GDF7: variants seen among roughly 807,000 people sequenced by gnomAD.
The protein encoded by GDF7 is growth differentiation factor 7.
In GDF7, 12 loss-of-function variants were observed where a neutral mutation model predicts 13.4. The observed-to-expected ratio is 0.90, with a 90% confidence interval of 0.57 to 1.45. The LOEUF (loss-of-function observed/expected upper bound fraction) is 1.45, where lower values mean the gene tolerates loss of function less well. GDF7 is among the 40% of genes most tolerant of loss of function. GDF7 has a pLI of 0.00. For synonymous variants in GDF7, 330 were observed against 306.4 expected (o/e 1.08, Z -0.80); for missense variants, 651 against 652.4 (o/e 1.00, Z 0.02).
At position 20,670,456 on chromosome 2, in the gene GDF7, C is replaced by T; in HGVS notation, c.392-8C>T. On this transcript the variant is annotated splice_region_variant and splice_polypyrimidine_tract_variant and intron_variant, in intron 1 of 1. Coordinates refer to ENST00000272224, the MANE Select transcript of GDF7 (RefSeq NM_182828.4). ...CTCTTTCTCTCTGTCCCTGCCGGTCCCCCGCAGACGAATCGGCAGCCGAAA... is the reference window on the plus strand; with the variant it reads ...CTCTTTCTCTCTGTCCCTGCCGGTCTCCCGCAGACGAATCGGCAGCCGAAA... 1 of 1,522,816 alleles carries T rather than the reference C, an allele frequency of 6.6e-7. No individual in the cohort carries two copies. Among genetic ancestry groups the T allele is most frequent in the South Asian group, 1.3e-5 (1 of 78,392 alleles). 94.3% of individuals were successfully genotyped at this position (1,522,816 alleles called of 1,614,324 possible).
Position 20,667,168 on chromosome 2 carries a change from G to A in GDF7, c.-72G>A, listed in dbSNP as rs2149310102. On this transcript the variant is annotated 5_prime_UTR_variant, in exon 1 of 2. An upstream start codon of the reference 5' UTR is lost. Transcript: ENST00000272224. The surrounding 1 kb of genome is among the most constrained non-coding windows in gnomAD (Gnocchi z 6.4). ...CACTTCCCCCATTATTAAACACTAT[G>A]TTCAAAAGGCGCCGGGGGACTTCCC... is the stretch of plus-strand genomic sequence containing the variant. 1.9e-6 allele frequency: 2 copies of A among 1,066,022 alleles called. No homozygotes were observed. Among genetic ancestry groups the A allele is most frequent in the Non-Finnish European group, 2.3e-6 (2 of 881,538 alleles). The allele number at this position is 1,066,022 out of a possible 1,614,324, so 66.0% of individuals were successfully genotyped here. A position where few individuals can be genotyped will look rare whatever the true frequency, so the allele number is the denominator to read the frequency against.
intron 1 of GDF7, among the ~76,000 whole-genome samples, chr2:20,669,569 G>C (rs1163169449): frequency 2.0e-5 from 3 of 152,240 alleles, no homozygotes; most frequent in South Asian, 2.1e-4. Flanking sequence ...GCGAGACCTC[G>C]TTTGGGACGC....
In GDF7 at chr2:20,670,694, T is replaced by A; in HGVS notation, c.622T>A (p.Trp208Arg). 1 of 1,488,614 alleles carries A rather than the reference T, an allele frequency of 6.7e-7. No homozygotes were observed. The highest frequency in any genetic ancestry group is 8.9e-7 in the Non-Finnish European group (1 of 1,124,234). 92.2% of individuals were successfully genotyped at this position (1,488,614 alleles called of 1,614,324 possible). A position where few individuals can be genotyped will look rare whatever the true frequency, so the allele number is the denominator to read the frequency against. The change falls in exon 2 of 2, where the codon TGG (tryptophan) becomes AGG (arginine). Residue 208 changes from tryptophan to arginine, a missense_variant. Transcript: ENST00000272224. ...RAAEPLVGQR[W>R]EAFDVADAMR... ...AGCTGAGCCCCTAGTCGGTCAGCGC[T>A]GGGAGGCGTTCGACGTGGCGGACGC...
rs553471405 is a variant in GDF7, at chr2:20,678,700, C to T, written c.*7275C>T. 7.9e-5 allele frequency: 12 copies of T among 152,326 alleles called. No homozygotes were observed. The highest frequency in any genetic ancestry group is 2.9e-5 in the Non-Finnish European group (2 of 68,026). 9.4% of individuals were successfully genotyped at this position (152,326 alleles called of 1,614,324 possible). A position where few individuals can be genotyped will look rare whatever the true frequency, so the allele number is the denominator to read the frequency against. ...AAACTCAAAGTGCCAGTAATGCCAT[C>T]AAGGCTCAGTAACATGCCATTTCCT... On this transcript the variant is annotated 3_prime_UTR_variant, in exon 2 of 2. Coordinates refer to ENST00000272224, the MANE Select transcript of GDF7 (RefSeq NM_182828.4).
Position 20,667,733 on chromosome 2 carries a change from T to C in GDF7, c.391+103T>C. The C allele has an allele frequency of 1.2e-6, 1 of 845,156 alleles. No individual in the cohort carries two copies. Among genetic ancestry groups the C allele is most frequent in the Non-Finnish European group, 1.6e-6 (1 of 629,898 alleles). The allele number at this position is 845,156 out of a possible 1,614,324, so 52.4% of individuals were successfully genotyped here. On this transcript the variant is annotated intron_variant, in intron 1 of 1. Transcript: ENST00000272224. The surrounding 1 kb of genome is among the most constrained non-coding windows in gnomAD (Gnocchi z 6.4). The stretch of plus-strand genomic sequence containing the variant: ...CGTTACATTTGGAGCCGCGGCCCCA[T>C]GCGGCCCACCCTCAGGTGATAGAAA...
In GDF7 at chr2:20,667,448, C is replaced by T. The variant is rs1453930241; in HGVS notation, c.209C>T (p.Ala70Val). The T allele has an allele frequency of 2.6e-6, 3 of 1,143,732 alleles. No homozygotes were observed. In the African/African-American group the frequency reaches 5.0e-5, roughly 19 times the overall value. The allele number at this position is 1,143,732 out of a possible 1,614,324, so 70.8% of individuals were successfully genotyped here. A position where few individuals can be genotyped will look rare whatever the true frequency, so the allele number is the denominator to read the frequency against. ...GTCCCGGCCGCCGCGGTTCCCCGGG[C>T]CCGCGCCGCGCGCCGCGCCGCGGGC... ...AAVPAAAVPR[A>V]RAARRAAGSG... The change falls in exon 1 of 2, where the codon GCC becomes GTC. Residue 70 changes from alanine (A) to valine (V), a missense_variant. Physicochemically the swap from Ala to Val is moderately conservative, Grantham distance 64. Around this residue, in one of 4 missense-constraint regions of GDF7, gnomAD observed 487 missense variants for 445.9 expected, o/e 1.09. Transcript: ENST00000272224. This position sits in a 1 kb window ranked among gnomAD's most constrained non-coding sequence, Gnocchi z 6.4.
rs1662249857 is a variant in GDF7 at position 20,677,395 on chromosome 2, G to A, written c.*5970G>A. The A allele has an allele frequency of 6.6e-6, 1 of 152,246 alleles. No individual in the cohort carries two copies. Among genetic ancestry groups the A allele is most frequent in the African/African-American group, 2.4e-5 (1 of 41,446 alleles). The allele number at this position is 152,246 out of a possible 1,614,324, so 9.4% of individuals were successfully genotyped here. On this transcript the variant is annotated 3_prime_UTR_variant, in exon 2 of 2. Transcript: ENST00000272224. ...TTCCCGTTTCATTACCTTTTGTGTT[G>A]TGGGCCAACAGGAGTGCTACGTAGT...
intron 1 of GDF7, among the ~76,000 whole-genome samples, chr2:20,669,677 G>T (rs1267799589): frequency 6.6e-6 from 1 of 152,196 alleles, no homozygotes; most frequent in Non-Finnish European, 1.5e-5. Flanking sequence ...CGGAGGCCGC[G>T]AGAGCACCGG....
rs1278866006 is a variant in GDF7 at position 20,667,456 on chromosome 2, G to GCGCGC, written c.227_231dup (p.Gly78ProfsTer17). ...CGCCGCGGTTCCCCGGGCCCGCGCC[G>GCGCGC]CGCGCCGCGCCGCGGGCTCCGGCTT... On this transcript the variant is annotated frameshift_variant, in exon 1 of 2. Coordinates refer to ENST00000272224, the MANE Select transcript of GDF7 (RefSeq NM_182828.4). LOFTEE classifies it high-confidence loss of function. This position sits in a 1 kb window ranked among gnomAD's most constrained non-coding sequence, Gnocchi z 6.4. 4.3e-6 allele frequency: 5 copies of GCGCGC among 1,156,228 alleles called. No homozygotes were observed. Among genetic ancestry groups the GCGCGC allele is most frequent in the Non-Finnish European group, 5.4e-6 (5 of 933,262 alleles). 71.6% of individuals were successfully genotyped at this position (1,156,228 alleles called of 1,614,324 possible).
In GDF7 at chr2:20,671,821, G is replaced by A. The variant is rs1161196283; in HGVS notation, c.*396G>A. Reference sequence around the variant, plus strand: ...ATGGGAGAACCAAAGGGGTACTCGAGCATGCTTTATCTCACCCCCTTTTGT... The same window carrying A: ...ATGGGAGAACCAAAGGGGTACTCGAACATGCTTTATCTCACCCCCTTTTGT... On this transcript the variant is annotated 3_prime_UTR_variant, in exon 2 of 2. Transcript: ENST00000272224. 8.2e-6 allele frequency: 2 copies of A among 242,910 alleles called. No homozygotes were observed. Among genetic ancestry groups the A allele is most frequent in the Non-Finnish European group, 1.6e-5 (2 of 123,520 alleles). 15.0% of individuals were successfully genotyped at this position (242,910 alleles called of 1,614,324 possible).
At chr2:20,670,438 T>C in intron 1 of GDF7, 26 bp from the exon 2 acceptor site, 1 of 1,498,492 alleles carries the variant, frequency 6.7e-7, no homozygotes. Flanking sequence ...CAGCTCTTTC[T>C]CTCTGTCCCT....
In GDF7 at chr2:20,670,819, G is replaced by C. The variant is rs13013489; in HGVS notation, c.747G>C (p.Arg249=). The stretch of plus-strand genomic sequence containing the variant: ...TGCCGAGCCCGTTGGCACTGCGGCG[G>C]CTGGGCTTCGGCTGGCCGGGCGGAG... The part of the protein sequence containing the change: ...GPVPSPLALR[R]LGFGWPGGGG... Residue 249 remains arginine (R), a synonymous_variant, in exon 2 of 2, where the codon CGG becomes CGC. Coordinates refer to ENST00000272224, the MANE Select transcript of GDF7 (RefSeq NM_182828.4). 1.3e-6 allele frequency: 2 copies of C among 1,491,200 alleles called. No homozygotes were observed. Among genetic ancestry groups the C allele is most frequent in the Non-Finnish European group, 8.9e-7 (1 of 1,126,602 alleles). The allele number at this position is 1,491,200 out of a possible 1,614,324, so 92.4% of individuals were successfully genotyped here.
rs1394611494 is a variant in GDF7, at chr2:20,671,463, A to G, written c.*38A>G. The G allele has an allele frequency of 3.1e-6, 5 of 1,588,954 alleles. No homozygotes were observed. The Admixed American group carries it at 6.9e-5, about 22-fold the overall frequency. On this transcript the variant is annotated 3_prime_UTR_variant, in exon 2 of 2. Transcript: ENST00000272224. ...GGAGGGGGCAGCCACGCGGCCGAGG[A>G]TCCCCAGCTGATGAGCAGCAGCGGG...
chr2:20,670,650 G>A lies in GDF7; in HGVS notation c.578G>A (p.Arg193His). The change falls in exon 2 of 2, where the codon CGC (arginine) becomes CAC (histidine). Residue 193 changes from arginine to histidine, a missense_variant. By Grantham distance (29) the Arg-to-His change is conservative. This residue lies in a region of GDF7 where 487 missense variants were observed against 445.9 expected (regional missense o/e 1.09). Transcript: ENST00000272224. ...TGCCCGGGCGCCGCCCGAGCGCCAC[G>A]CCTGCTGTACTCGCGGGCAGCTGAG... The part of the protein sequence containing the change: ...STCPGAARAP[R>H]LLYSRAAEPL... The A allele has an allele frequency of 6.5e-7, 1 of 1,546,134 alleles. No individual in the cohort carries two copies. The highest frequency in any genetic ancestry group is 8.7e-7 in the Non-Finnish European group (1 of 1,150,202).
At position 20,667,730 on chromosome 2, in the gene GDF7, C is replaced by A; in HGVS notation, c.391+100C>A. On this transcript the variant is annotated intron_variant, in intron 1 of 1. Transcript: ENST00000272224. The surrounding 1 kb of genome is among the most constrained non-coding windows in gnomAD (Gnocchi z 6.4). The stretch of plus-strand genomic sequence containing the variant: ...CTCCGTTACATTTGGAGCCGCGGCC[C>A]CATGCGGCCCACCCTCAGGTGATAG... 1 of 870,346 alleles carries A rather than the reference C, an allele frequency of 1.1e-6. No individual in the cohort carries two copies. The highest frequency in any genetic ancestry group is 1.5e-6 in the Non-Finnish European group (1 of 652,200). The allele number at this position is 870,346 out of a possible 1,614,324, so 53.9% of individuals were successfully genotyped here.
Position 20,671,142 on chromosome 2 carries a change from A to C in GDF7, c.1070A>C (p.Asp357Ala), listed in dbSNP as rs1662117765. ...SRCSRKPLHVDFKELGWDDWI... is the reference protein window; with the variant it reads ...SRCSRKPLHVAFKELGWDDWI... ...TGCAGCCGCAAGCCGTTGCACGTGG[A>C]CTTCAAGGAGCTCGGCTGGGACGAC... Residue 357 changes from aspartate to alanine, a missense_variant, in exon 2 of 2, where the codon GAC becomes GCC. Physicochemically the swap from Asp to Ala is moderately radical, Grantham distance 126. Transcript: ENST00000272224. The C allele has an allele frequency of 6.2e-7, 1 of 1,611,982 alleles. No homozygotes were observed. Among genetic ancestry groups the C allele is most frequent in the African/African-American group, 1.3e-5 (1 of 74,586 alleles).
rs925523838 is a variant in GDF7 at position 20,678,988 on chromosome 2, A to G, written c.*7563A>G. 2.0e-5 allele frequency: 3 copies of G among 152,200 alleles called. No individual in the cohort carries two copies. The highest frequency in any genetic ancestry group is 6.5e-5 in the Admixed American group (1 of 15,272). 9.4% of individuals were successfully genotyped at this position (152,200 alleles called of 1,614,324 possible). On this transcript the variant is annotated 3_prime_UTR_variant, in exon 2 of 2. Transcript: ENST00000272224. The stretch of plus-strand genomic sequence containing the variant: ...GTGTTTATTTGGGCAATGCAAGCTG[A>G]CATTGTGAGGTGTTGCCGATGCCCA...
chr2:20,674,167 CCTGGGTGACTGGCATG>C lies in GDF7; in HGVS notation c.*2743_*2758del, dbSNP rs1662180899. ...TGTCTTCTAGGTAGCGGGGGACAGG[CCTGGGTGACTGGCATG>C]AACCCAGCTTCTCTGTTGCAACCCC... On this transcript the variant is annotated 3_prime_UTR_variant, in exon 2 of 2. Coordinates refer to ENST00000272224, the MANE Select transcript of GDF7 (RefSeq NM_182828.4). The C allele has an allele frequency of 6.6e-6, 1 of 152,188 alleles. No individual in the cohort carries two copies. Among genetic ancestry groups the C allele is most frequent in the African/African-American group, 2.4e-5 (1 of 41,432 alleles). 9.4% of individuals were successfully genotyped at this position (152,188 alleles called of 1,614,324 possible).
In GDF7 at chr2:20,675,014, A is replaced by T. The variant is rs1417208039; in HGVS notation, c.*3589A>T. On this transcript the variant is annotated 3_prime_UTR_variant, in exon 2 of 2. Coordinates refer to ENST00000272224, the MANE Select transcript of GDF7 (RefSeq NM_182828.4). ...TCTTCTTAGAGCAGGGAGAAAAATT[A>T]CGTTCTTTCCAAGAGCAGCTCGTGC... 1 of 152,248 alleles carries T rather than the reference A, an allele frequency of 6.6e-6. No homozygotes were observed. The highest frequency in any genetic ancestry group is 2.1e-4 in the South Asian group (1 of 4,832). 9.4% of individuals were successfully genotyped at this position (152,248 alleles called of 1,614,324 possible).
Sources: gnomAD v4.1 joint callset for allele counts (sites outside exome capture counted in the v4.1 genomes callset) on GRCh38, gnomAD v4.1.1 for gene constraint, gnomAD v4.1.1 regional missense constraint, Gnocchi (gnomAD v3.1) non-coding constraint, MANE v1.5 for transcripts, NCBI Gene and HGNC (gene_info 2026-07-23, HGNC 2026-07-21) for gene names.